NLGN1: variants seen among roughly 807,000 people sequenced by gnomAD.
NLGN1 encodes neuroligin-1.
Under a neutral mutation model 65.5 loss-of-function variants are expected in NLGN1, and 12 were observed. That is an observed-to-expected ratio of 0.18 (90% CI 0.12 to 0.30). The LOEUF is 0.30. Ranked by LOEUF, NLGN1 falls within the 10% of genes least tolerant of loss-of-function variation. The probability of loss-of-function intolerance (pLI) is 1.00; values close to 1 mark genes in which losing one functional copy is unlikely to be tolerated. For missense variants in NLGN1, 750 were observed against 1,007.1 expected, an observed-to-expected ratio of 0.74 and a Z score of 3.46; for synonymous variants, 350 against 359.5, an observed-to-expected ratio of 0.97 and a Z score of 0.30.
rs186914130 is a variant in NLGN1 at position 174,030,075 on chromosome 3, A to G, written c.646+222243A>G. 7.4e-3 allele frequency among the ~76,000 whole-genome samples: 1,121 copies of G among 151,994 alleles called. 8 individuals carry two copies. Among genetic ancestry groups the G allele is most frequent in the South Asian group, 0.015 (70 of 4,814 alleles). On this transcript the variant is annotated intron_variant, in intron 4 of 6. Transcript: ENST00000457714. ...CAATACAATTTTATGGCACTGGATA[A>G]CACATGTGTTATTTCATTTAATCCT...
At chr3:173,427,845 ATT>A (rs373746661) in intron 1 of NLGN1, among the ~76,000 whole-genome samples, 17 of 123,080 alleles carry the variant, frequency 1.4e-4, no homozygotes, top group Admixed American at 3.2e-4. Flanking sequence ...TGGAAACTCT[ATT>A]TTTTTTTTTT....
At chr3:174,147,419 CTTTTTTTTTTTTTTTTT>C (rs574298501) in intron 4 of NLGN1, among the ~76,000 whole-genome samples, 1 of 36,250 alleles carries the variant, frequency 2.8e-5, no homozygotes, top group Non-Finnish European at 5.8e-5. Context: ...TGGCTCATGG[CTTTTTTTTTTTTTTTTT>C]TTTTTTTTTT....
intron 3 of NLGN1, among the ~76,000 whole-genome samples, chr3:173,657,444 T>A (rs1460079898): frequency 6.6e-6 from 1 of 152,006 alleles, no homozygotes; most frequent in Non-Finnish European, 1.5e-5. Flanking sequence ...AGTGCCATTT[T>A]CTCTGTCCCT....
At chr3:173,718,912 A>T (rs553506277) in intron 3 of NLGN1, among the ~76,000 whole-genome samples, 2 of 152,324 alleles carry the variant, frequency 1.3e-5, no homozygotes, top group Admixed American at 1.3e-4. Context: ...AATTTTCTTG[A>T]ATCACTAAAT....
intron 2 of NLGN1, among the ~76,000 whole-genome samples, chr3:173,544,991 T>G (rs1413182092): frequency 6.6e-6 from 1 of 152,154 alleles, no homozygotes; most frequent in Non-Finnish European, 1.5e-5. Context: ...ATAAAAGTTG[T>G]CTATTATATT....
intron 4 of NLGN1, among the ~76,000 whole-genome samples, chr3:174,034,749 G>T (rs1730760966): frequency 6.6e-6 from 1 of 152,094 alleles, no homozygotes; most frequent in South Asian, 2.1e-4. Context: ...ACCAGAAAAT[G>T]CAGAAAAAAT....
At chr3:173,548,953 A>G (rs910201175) in intron 2 of NLGN1, among the ~76,000 whole-genome samples, 2 of 151,984 alleles carry the variant, frequency 1.3e-5, no homozygotes, top group Non-Finnish European at 2.9e-5. Context: ...TGCATGCTTA[A>G]TGGCTTACGT....
intron 4 of NLGN1, among the ~76,000 whole-genome samples, chr3:174,229,213 A>G (rs988525426): frequency 1.3e-5 from 2 of 152,142 alleles, no homozygotes; most frequent in South Asian, 2.1e-4. Flanking sequence ...AAGATCAAGT[A>G]TGCCAAAAGT....
chr3:173,695,386 G>A (rs1766058690), intron 3 of NLGN1, among the ~76,000 whole-genome samples: 1 of 151,836 alleles, frequency 6.6e-6, no homozygotes, highest in African/African-American at 2.4e-5. Flanking sequence ...AAGATAATTA[G>A]GTTTCCAGAC....
At chr3:173,539,657 G>GCACATATGTACATATATAACATACATATA (rs1738212040) in intron 2 of NLGN1, among the ~76,000 whole-genome samples, 1 of 124,274 alleles carries the variant, frequency 8.0e-6, no homozygotes, top group Non-Finnish European at 1.6e-5. Flanking sequence ...TATAACATAT[G>GCACATATGTACATATATAACATACATATA]TGTATATATG....
At chr3:173,542,974 G>GT (rs1739148654) in intron 2 of NLGN1, among the ~76,000 whole-genome samples, 1 of 151,996 alleles carries the variant, frequency 6.6e-6, no homozygotes. Context: ...CAGGTTCCAT[G>GT]TCTTCAACTT....
At chr3:174,094,360 G>A (rs1459513475) in intron 4 of NLGN1, among the ~76,000 whole-genome samples, 2 of 152,014 alleles carry the variant, frequency 1.3e-5, no homozygotes, top group African/African-American at 4.8e-5. Context: ...GCTATAGAGC[G>A]AGCTTGTCCA....
chr3:174,135,994 G>A (rs6445141), intron 4 of NLGN1, among the ~76,000 whole-genome samples: 30,014 of 151,856 alleles, frequency 0.2, 3,306 homozygotes, highest in African/African-American at 0.3. Context: ...TCTACCTCTC[G>A]CTTCTTCTTT....
chr3:173,629,654 T>G (rs183008831), intron 3 of NLGN1, among the ~76,000 whole-genome samples: 75 of 152,242 alleles, frequency 4.9e-4, no homozygotes, highest in Admixed American at 4.1e-3. Flanking sequence ...ACAAAGGGCT[T>G]TTAGCAAGTT....
intron 4 of NLGN1, among the ~76,000 whole-genome samples, chr3:174,202,130 T>C (rs1226770764): frequency 1.3e-5 from 2 of 152,122 alleles, no homozygotes; most frequent in Non-Finnish European, 2.9e-5. Flanking sequence ...ATCTTATCCC[T>C]CTCCGTTGAA....
intron 3 of NLGN1, among the ~76,000 whole-genome samples, chr3:173,777,631 G>GTCTATCTA (rs747269015): frequency 1.6e-3 from 58 of 35,966 alleles, no homozygotes; most frequent in Middle Eastern, 0.012. Context: ...CTGTCTGTCT[G>GTCTATCTA]TCTATCTATC....
intron 4 of NLGN1, among the ~76,000 whole-genome samples, chr3:173,889,467 A>G (rs934027825): frequency 9.9e-5 from 15 of 152,140 alleles, no homozygotes; most frequent in African/African-American, 3.6e-4. Context: ...AATACCTTTT[A>G]CTACATAGCT....
intron 3 of NLGN1, among the ~76,000 whole-genome samples, chr3:173,650,757 C>G (rs991811058): frequency 6.6e-6 from 1 of 152,052 alleles, no homozygotes; most frequent in Non-Finnish European, 1.5e-5. Flanking sequence ...TTACTATACA[C>G]GAAGTTTTCA....
At chr3:173,781,057 T>C (rs1236581465) in intron 3 of NLGN1, among the ~76,000 whole-genome samples, 3 of 143,684 alleles carry the variant, frequency 2.1e-5, no homozygotes, top group African/African-American at 7.9e-5. Flanking sequence ...GGCAGGAGAA[T>C]GGCGTGAACC....
Sources: gnomAD v4.1 joint callset for allele counts (sites outside exome capture counted in the v4.1 genomes callset) on GRCh38, gnomAD v4.1.1 for gene constraint, MANE v1.5 for transcripts, NCBI Gene and HGNC (gene_info 2026-07-23, HGNC 2026-07-21) for gene names.